Variants in NCOA2 observed in about 807,000 individuals in gnomAD.
The protein encoded by NCOA2 is nuclear receptor coactivator 2.
In NCOA2, 21 loss-of-function variants were observed where a neutral mutation model predicts 145.1. The observed-to-expected ratio is 0.14, with a 90% CI of 0.10 to 0.21. NCOA2 has a LOEUF of 0.21. Ranked by LOEUF, NCOA2 falls within the 10% of genes least tolerant of loss-of-function variation. NCOA2 has a pLI of 1.00. For missense variants in NCOA2, 1,472 were observed against 1,837.6 expected (o/e 0.80, Z 3.64); for synonymous variants, 619 against 637.5 (o/e 0.97, Z 0.44).
In NCOA2 at chr8:70,262,034, T is replaced by C. The variant is rs1025078947; in HGVS notation, c.-20+34710A>G. 5.3e-5 allele frequency among the ~76,000 whole-genome samples: 8 copies of C among 151,956 alleles called. No individual in the cohort carries two copies. In the South Asian group the frequency reaches 1.7e-3, roughly 32 times the overall value. On this transcript the variant is annotated intron_variant, in intron 2 of 22. Transcript: ENST00000452400. ...TAAAAATTTAAAACTTCAGTATATA[T>C]AGAAGATATTATAAAATAATTATAA...
chr8:70,394,010 A>C (rs541003205), intron 1 of NCOA2, among the ~76,000 whole-genome samples: 92 of 152,326 alleles, frequency 6.0e-4, no homozygotes, highest in Non-Finnish European at 1.2e-3. Flanking sequence ...TAGGATCGTT[A>C]ATTGATTGTA....
the NCOA2 span, chr8:70,424,202 C>A: frequency 9.4e-6 from 3 of 318,442 alleles, no homozygotes; most frequent in South Asian, 2.9e-5. Context: ...ACACGAAGAC[C>A]CCAGAAGTGG....
intron 1 of NCOA2, among the ~76,000 whole-genome samples, chr8:70,351,916 T>A (rs549887966): frequency 2.4e-4 from 36 of 152,112 alleles, no homozygotes; most frequent in African/African-American, 8.4e-4. Context: ...AGCAACTAAC[T>A]CTGGTTTTGG....
chr8:70,421,130 T>G, the NCOA2 span, among the ~76,000 whole-genome samples: 1 of 152,070 alleles, frequency 6.6e-6, no homozygotes, highest in African/African-American at 2.4e-5. Context: ...AAAAATACTG[T>G]GTAGGCAGGC....
At chr8:70,385,394 C>A (rs564508686) in intron 1 of NCOA2, among the ~76,000 whole-genome samples, 63 of 152,294 alleles carry the variant, frequency 4.1e-4, no homozygotes, top group African/African-American at 1.5e-3. Flanking sequence ...CTTCACAGAA[C>A]TGAAAAACAA....
intron 22 of NCOA2, among the ~76,000 whole-genome samples, chr8:70,115,079 A>G (rs1806937220): frequency 6.6e-6 from 1 of 152,228 alleles, no homozygotes; most frequent in Non-Finnish European, 1.5e-5. Context: ...CATGGTGCTG[A>G]TTAAAATATG....
At chr8:70,158,892 T>G (rs999542337) in intron 10 of NCOA2, among the ~76,000 whole-genome samples, 3 of 152,084 alleles carry the variant, frequency 2.0e-5, no homozygotes, top group African/African-American at 7.2e-5. Flanking sequence ...AAATTTCCCT[T>G]TTTCAATGTA....
chr8:70,422,873 G>C, the NCOA2 span, among the ~76,000 whole-genome samples: 63 of 151,402 alleles, frequency 4.2e-4, no homozygotes, highest in African/African-American at 1.5e-3. Context: ...ATGTTGTTAC[G>C]TTTTCTTTTT....
intron 1 of NCOA2, among the ~76,000 whole-genome samples, chr8:70,348,347 C>A (rs549119067): frequency 6.6e-6 from 1 of 152,208 alleles, no homozygotes; most frequent in East Asian, 1.9e-4. Context: ...AAAGACAAGC[C>A]AAGATGGGTA....
intron 1 of NCOA2, among the ~76,000 whole-genome samples, chr8:70,322,384 A>G (rs1317290298): frequency 6.6e-6 from 1 of 152,192 alleles, no homozygotes; most frequent in Non-Finnish European, 1.5e-5. Flanking sequence ...TGTAACACAT[A>G]TATTCACTAC....
chr8:70,245,495 A>C (rs1356257765), intron 2 of NCOA2: 1 of 152,066 alleles, frequency 6.6e-6, no homozygotes. Context: ...CCTGCTATTA[A>C]GGGAATGTCT....
chr8:70,306,113 T>C (rs117061027), intron 1 of NCOA2, among the ~76,000 whole-genome samples: 45 of 152,278 alleles, frequency 3.0e-4, no homozygotes, highest in Non-Finnish European at 6.0e-4. Context: ...AACAAAAACA[T>C]TGAGGAATAC....
At chr8:70,330,399 T>C (rs953396429) in intron 1 of NCOA2, among the ~76,000 whole-genome samples, 8 of 151,766 alleles carry the variant, frequency 5.3e-5, no homozygotes, top group Non-Finnish European at 1.2e-4. Flanking sequence ...GAGAGGCTCC[T>C]GTCCCTACAA....
intron 1 of NCOA2, among the ~76,000 whole-genome samples, chr8:70,299,951 G>A (rs1217476750): frequency 1.3e-5 from 2 of 151,952 alleles, no homozygotes; most frequent in East Asian, 1.9e-4. Context: ...TCAATAAAGG[G>A]GAATGAATTA....
chr8:70,385,232 T>C (rs1205601955), intron 1 of NCOA2, among the ~76,000 whole-genome samples: 11 of 152,190 alleles, frequency 7.2e-5, no homozygotes, highest in Non-Finnish European at 2.9e-5. Context: ...CCAAGATTTA[T>C]TGAACACCAA....
At chr8:70,268,814 G>A (rs1563702536) in intron 2 of NCOA2, among the ~76,000 whole-genome samples, 3 of 152,132 alleles carry the variant, frequency 2.0e-5, no homozygotes, top group Non-Finnish European at 2.9e-5. Flanking sequence ...CTAGTTACTG[G>A]AGTAATAAGC....
chr8:70,375,425 C>CA lies in NCOA2; in HGVS notation c.-77+28274dup, dbSNP rs1345139057. ...GGTGAGATGGCTGTTTCAGGAAACT[C>CA]AAAAAGGATTCATCATGTGTCCTTG... On this transcript the variant is annotated intron_variant, in intron 1 of 22. Transcript: ENST00000452400. 3.9e-5 allele frequency among the ~76,000 whole-genome samples: 6 copies of CA among 152,004 alleles called. No homozygotes were observed. In the East Asian group the frequency reaches 5.8e-4, roughly 15 times the overall value.
At chr8:70,141,452 G>A (rs964665297) in intron 13 of NCOA2, 53 bp from the exon 14 acceptor site, 4 of 1,474,356 alleles carry the variant, frequency 2.7e-6, no homozygotes, top group East Asian at 2.3e-5. Flanking sequence ...AACATATTTA[G>A]CATGTATGAA....
At chr8:70,451,235 A>ATATAT in the NCOA2 span, among the ~76,000 whole-genome samples, 671 of 98,336 alleles carry the variant, frequency 6.8e-3, 2 homozygotes, top group Middle Eastern at 0.017. Flanking sequence ...AAAAAAAAAA[A>ATATAT]AAATATATAT....
Sources: gnomAD v4.1 joint callset for allele counts (sites outside exome capture counted in the v4.1 genomes callset) on GRCh38, gnomAD v4.1.1 for gene constraint, MANE v1.5 for transcripts, NCBI Gene and HGNC (gene_info 2026-07-23, HGNC 2026-07-21) for gene names.